Variants in EYA4 observed in about 807,000 individuals in gnomAD.
EYA4 encodes EYA transcriptional coactivator and phosphatase 4.
A neutral mutation model predicts 87.9 loss-of-function variants in EYA4; 31 were observed. The ratio of observed to expected loss-of-function variants is 0.35; its 90% confidence interval spans 0.27 to 0.48. The LOEUF (loss-of-function observed/expected upper bound fraction) is 0.48, where lower values mean the gene tolerates loss of function less well. Among genes scored for constraint, EYA4 ranks in the 20% least tolerant of loss-of-function variants. The probability of loss-of-function intolerance (pLI) is 0.99; values close to 1 mark genes in which losing one functional copy is unlikely to be tolerated. For synonymous variants in EYA4, 263 were observed against 270.6 expected (o/e 0.97, Z 0.28); for missense variants, 678 against 761.4 (o/e 0.89, Z 1.29).
intron 3 of EYA4, among the ~76,000 whole-genome samples, chr6:133,418,421 T>C (rs78634521): frequency 0.051 from 7,822 of 152,294 alleles, 589 homozygotes; most frequent in African/African-American, 0.16. Context: ...CAGCACCTTG[T>C]CTGTATTAAT....
At chr6:133,277,243 T>A (rs76587409) in intron 2 of EYA4, among the ~76,000 whole-genome samples, 2,436 of 152,300 alleles carry the variant, frequency 0.016, 31 homozygotes, top group Middle Eastern at 0.054. Flanking sequence ...TATTCCTTCA[T>A]TGCAATTTTT....
At chr6:133,242,505 G>A (rs1774041035) in intron 1 of EYA4, among the ~76,000 whole-genome samples, 1 of 152,158 alleles carries the variant, frequency 6.6e-6, no homozygotes, top group Non-Finnish European at 1.5e-5. Flanking sequence ...GGGTAGAGCA[G>A]GTTTTTCTCT....
intron 2 of EYA4, among the ~76,000 whole-genome samples, chr6:133,335,875 GT>G (rs1243195844): frequency 1.3e-5 from 2 of 152,176 alleles, no homozygotes; most frequent in Non-Finnish European, 2.9e-5. Flanking sequence ...GCTTTAACAA[GT>G]TAGAGAGACA....
chr6:133,437,869 C>T (rs1791850978), intron 3 of EYA4, among the ~76,000 whole-genome samples: 1 of 152,162 alleles, frequency 6.6e-6, no homozygotes, highest in Admixed American at 6.5e-5. Flanking sequence ...CCTTGTCTCT[C>T]CCTTGACATG....
At chr6:133,291,160 T>C (rs2128297028) in intron 2 of EYA4, among the ~76,000 whole-genome samples, 1 of 152,308 alleles carries the variant, frequency 6.6e-6, no homozygotes, top group Non-Finnish European at 1.5e-5. Context: ...AGAGATGTAA[T>C]TTCATCCCCT....
intron 5 of EYA4, chr6:133,453,751 TC>T (rs35305123): frequency 4.6e-5 from 7 of 152,208 alleles, no homozygotes; most frequent in Non-Finnish European, 1.0e-4. Context: ...ATGTACCACT[TC>T]CCCTCAAATG....
intron 2 of EYA4, among the ~76,000 whole-genome samples, chr6:133,321,568 T>A (rs986121694): frequency 9.2e-5 from 14 of 152,338 alleles, no homozygotes; most frequent in Middle Eastern, 3.4e-3. Context: ...TACTACCTAT[T>A]TGAAAATCCT....
intron 3 of EYA4, among the ~76,000 whole-genome samples, chr6:133,433,243 G>A (rs535415706): frequency 1.3e-5 from 2 of 152,338 alleles, no homozygotes; most frequent in South Asian, 4.1e-4. Flanking sequence ...TATAAGTTCT[G>A]TAGGCAAAAG....
chr6:133,409,310 A>G (rs1327066401), intron 3 of EYA4, among the ~76,000 whole-genome samples: 2 of 152,216 alleles, frequency 1.3e-5, no homozygotes, highest in South Asian at 4.1e-4. Flanking sequence ...GAATGGATAA[A>G]GAAATTGCAA....
intron 2 of EYA4, among the ~76,000 whole-genome samples, chr6:133,283,872 A>G (rs1347219694): frequency 3.9e-5 from 6 of 152,126 alleles, no homozygotes; most frequent in African/African-American, 1.4e-4. Flanking sequence ...TCCAGTGACT[A>G]TTATTCCTCT....
intron 1 of EYA4, among the ~76,000 whole-genome samples, chr6:133,267,932 T>C (rs1037960759): frequency 1.3e-5 from 2 of 152,132 alleles, no homozygotes; most frequent in African/African-American, 4.8e-5. Context: ...CTAAAAATAT[T>C]AGAAAATGAC....
At chr6:133,247,564 T>C (rs1774512007) in intron 1 of EYA4, 1 of 152,236 alleles carries the variant, frequency 6.6e-6, no homozygotes, top group East Asian at 1.9e-4. Context: ...TTTATCTGGT[T>C]ATCGCATGTG....
chr6:133,501,208 C>G (rs1367559955), intron 13 of EYA4, among the ~76,000 whole-genome samples: 1 of 151,998 alleles, frequency 6.6e-6, no homozygotes, highest in Non-Finnish European at 1.5e-5. Context: ...TCCACTCATC[C>G]TCATCACTTC....
chr6:133,294,029 A>T (rs1490273101), intron 2 of EYA4, among the ~76,000 whole-genome samples: 1 of 38,744 alleles, frequency 2.6e-5, no homozygotes, highest in African/African-American at 1.4e-4. Context: ...GATTTTATAT[A>T]TATATATATA....
chr6:133,507,717 A>C (rs1798768629), intron 14 of EYA4, among the ~76,000 whole-genome samples: 1 of 152,144 alleles, frequency 6.6e-6, no homozygotes, highest in South Asian at 2.1e-4. Context: ...ATCATTTTTT[A>C]TGGCTGCATA....
chr6:133,474,447 A>G (rs530482117), intron 11 of EYA4, among the ~76,000 whole-genome samples: 3 of 152,258 alleles, frequency 2.0e-5, no homozygotes, highest in East Asian at 1.9e-4. Flanking sequence ...ACATTCACAT[A>G]TGGAATTCTG....
chr6:133,481,933 C>T (rs1451560229), intron 12 of EYA4, among the ~76,000 whole-genome samples: 2 of 151,978 alleles, frequency 1.3e-5, no homozygotes, highest in Non-Finnish European at 2.9e-5. Context: ...GCACTGTATT[C>T]GATAGCACTA....
chr6:133,519,114 A>G (rs891542974), intron 17 of EYA4, among the ~76,000 whole-genome samples: 10 of 151,712 alleles, frequency 6.6e-5, no homozygotes, highest in Non-Finnish European at 1.2e-4. Flanking sequence ...AACACATTCA[A>G]AAGCTAGCAG....
chr6:133,273,750 G>C (rs1291381545), intron 1 of EYA4, among the ~76,000 whole-genome samples: 4 of 152,152 alleles, frequency 2.6e-5, no homozygotes, highest in Admixed American at 2.0e-4. Flanking sequence ...TTTGAACACA[G>C]TTTTATGATA....
Sources: allele counts gnomAD v4.1 joint callset (sites outside exome capture counted in the v4.1 genomes callset), GRCh38; gene constraint gnomAD v4.1.1; transcripts MANE v1.5; gene names NCBI Gene and HGNC (gene_info 2026-07-23, HGNC 2026-07-21).